Variants in MED14 observed in about 807,000 individuals in gnomAD.
The protein encoded by MED14 is mediator complex subunit 14, also known as mediator of RNA polymerase II transcription subunit 14.
MED14 carries 8 observed loss-of-function variants against 109.0 expected under a neutral mutation model. That is an observed-to-expected ratio of 0.07 (90% CI 0.04 to 0.13). MED14 has a LOEUF of 0.13. Among genes scored for constraint, MED14 ranks in the 10% least tolerant of loss-of-function variants. The pLI, the probability that MED14 is intolerant of heterozygous loss-of-function variation, is 1.00. For synonymous variants in MED14, 399 were observed against 408.7 expected (o/e 0.98, Z 0.29); for missense variants, 711 against 1,142.4 (o/e 0.62, Z 5.44).
At position 40,651,004 on chromosome X, in the gene MED14, T is replaced by C; in HGVS notation, c.*802A>G. The C allele has an allele frequency of 1.3e-6, 1 of 752,447 alleles. No homozygotes were observed. Among genetic ancestry groups the C allele is most frequent in the South Asian group, 6.7e-5 (1 of 14,822 alleles). 62.0% of individuals were successfully genotyped at this position (752,447 alleles called of 1,213,427 possible). A position where few individuals can be genotyped will look rare whatever the true frequency, so the allele number is the denominator to read the frequency against. On this transcript the variant is annotated 3_prime_UTR_variant, in exon 31 of 31. Transcript: ENST00000324817. ...GGATCCTTGATCAATACGAACCACA[T>C]ACTGTCCCTTCTCAAAGACTAAGTT...
At chrX:40,705,835 A>G (rs1411219230) in intron 10 of MED14, among the ~76,000 whole-genome samples, 1 of 111,468 alleles carries the variant, frequency 9.0e-6, no homozygotes, top group African/African-American at 3.3e-5. Flanking sequence ...AGAGTACAAC[A>G]TAAGGGAGCA....
chrX:40,714,516 G>T, intron 4 of MED14, 21 bp downstream of exon 4: 1 of 1,203,542 alleles, frequency 8.3e-7, no homozygotes, highest in East Asian at 3.0e-5. Flanking sequence ...TTAGGAACAT[G>T]GGGGCAAGCA....
At chrX:40,728,147 A>G (rs763855991) in intron 2 of MED14, among the ~76,000 whole-genome samples, 24 of 111,855 alleles carry the variant, frequency 2.1e-4, no homozygotes, top group African/African-American at 6.8e-4. Context: ...TAGAGGATGC[A>G]AGGTCTCTGC....
chrX:40,705,080 G>GA (rs1206472848), intron 10 of MED14, among the ~76,000 whole-genome samples: 1 of 111,519 alleles, frequency 9.0e-6, no homozygotes, highest in Non-Finnish European at 1.9e-5. Flanking sequence ...ACTCTGACCT[G>GA]AAAAAAACAG....
intron 5 of MED14, among the ~76,000 whole-genome samples, chrX:40,713,373 G>A (rs926982077): frequency 5.4e-5 from 6 of 112,110 alleles, no homozygotes; most frequent in Admixed American, 2.8e-4. Context: ...CTGGCAAGTC[G>A]TAGAATCAAA....
chrX:40,684,626 C>G (rs891934063), intron 16 of MED14, among the ~76,000 whole-genome samples: 8 of 112,386 alleles, frequency 7.1e-5, no homozygotes, highest in Non-Finnish European at 1.1e-4. Context: ...ACATAGCCCT[C>G]TCCGTAGGAG....
intron 28 of MED14, among the ~76,000 whole-genome samples, chrX:40,656,586 A>T (rs181723882): frequency 0.014 from 1,578 of 112,507 alleles, 16 homozygotes; most frequent in Non-Finnish European, 0.023. Flanking sequence ...GTATACTGGC[A>T]CATCCATAAA....
At position 40,671,949 on chromosome X, in the gene MED14, T is replaced by G; in HGVS notation, c.3045A>C (p.Thr1015=). 8.4e-7 allele frequency: 1 copy of G among 1,196,860 alleles called. No individual in the cohort carries two copies. Among genetic ancestry groups the G allele is most frequent in the Non-Finnish European group, 1.1e-6 (1 of 887,185 alleles). ...QQQPFPKQPG[T]SGAYPLTSPP... ...GTGAAGTAAGAGGATAAGCACCTGA[T>G]GTTCCTGGCTGCTTTGGAAATGGCT... is the stretch of plus-strand genomic sequence containing the variant. The change falls in exon 23 of 31, where the codon ACA becomes ACC. Residue 1015 remains threonine (T), a synonymous_variant. Coordinates refer to ENST00000324817, the MANE Select transcript of MED14 (RefSeq NM_004229.4).
intron 23 of MED14, among the ~76,000 whole-genome samples, chrX:40,669,528 A>C (rs1929642067): frequency 8.9e-6 from 1 of 111,855 alleles, no homozygotes; most frequent in Admixed American, 9.5e-5. Flanking sequence ...TTGACTTAGT[A>C]ATCTCTGGGG....
At position 40,648,497 on chromosome X, in the gene MED14, C is replaced by A. The variant is rs760735732; in HGVS notation, c.*3309G>T. ...TTCTTAGCAGTTTGATCTTAAGCAA[C>A]CTTAATTTGATCTCAGGCAAATTAC... On this transcript the variant is annotated 3_prime_UTR_variant, in exon 31 of 31. Transcript: ENST00000324817. The A allele has an allele frequency of 3.6e-5, 4 of 112,037 alleles. No homozygotes were observed. The highest frequency in any genetic ancestry group is 5.6e-5 in the Non-Finnish European group (3 of 53,193). 9.2% of individuals were successfully genotyped at this position (112,037 alleles called of 1,213,427 possible). A position where few individuals can be genotyped will look rare whatever the true frequency, so the allele number is the denominator to read the frequency against.
rs758360092 is a variant in MED14, at chrX:40,684,346, G to A, written c.2058-1350C>T. ...CCCCTGCAGGGCAAAACTGCCCTGG[G>A]GTTGAGAACCACTGACCTGGAATAA... is the stretch of plus-strand genomic sequence containing the variant. On this transcript the variant is annotated intron_variant, in intron 16 of 30. Transcript: ENST00000324817. 3.4e-4 allele frequency among the ~76,000 whole-genome samples: 38 copies of A among 112,038 alleles called. No individual in the cohort carries two copies. In the South Asian group the frequency reaches 0.014, roughly 41 times the overall value.
At chrX:40,688,999 C>T (rs1930396957) in intron 15 of MED14, among the ~76,000 whole-genome samples, 1 of 111,895 alleles carries the variant, frequency 8.9e-6, no homozygotes, top group African/African-American at 3.2e-5. Flanking sequence ...TATGTGAAAC[C>T]CAAGAAAAGA....
chrX:40,729,358 A>C lies in MED14; in HGVS notation c.216-13T>G. 8.4e-7 allele frequency: 1 copy of C among 1,189,052 alleles called. No individual in the cohort carries two copies. ...TTTCCTTGGCAGTCTAAGAAGAAAAAAAAAAAACGGATTAGATACATGCAT... is the reference window on the plus strand; with the variant it reads ...TTTCCTTGGCAGTCTAAGAAGAAAACAAAAAAACGGATTAGATACATGCAT... On this transcript the variant is annotated splice_polypyrimidine_tract_variant and intron_variant, in intron 1 of 30. Transcript: ENST00000324817.
At chrX:40,701,447 C>T (rs1284825457) in intron 11 of MED14, among the ~76,000 whole-genome samples, 1 of 111,702 alleles carries the variant, frequency 9.0e-6, no homozygotes, top group Non-Finnish European at 1.9e-5. Context: ...TTTTAGGGAG[C>T]ATTATAGATA....
chrX:40,666,711 T>C lies in MED14; in HGVS notation c.3265+9A>G, dbSNP rs1369336103. 2.5e-6 allele frequency: 3 copies of C among 1,208,834 alleles called. No individual in the cohort carries two copies. Among genetic ancestry groups the C allele is most frequent in the South Asian group, 1.8e-5 (1 of 56,539 alleles). On this transcript the variant is annotated intron_variant, in intron 24 of 30. Coordinates refer to ENST00000324817, the MANE Select transcript of MED14 (RefSeq NM_004229.4). The stretch of plus-strand genomic sequence containing the variant: ...CTTATGCTATATCGATTTCCATGTA[T>C]GGACTCACCATGTGGACTAGCAAAA...
At chrX:40,660,073 A>ATGTG in intron 26 of MED14, among the ~76,000 whole-genome samples, 1 of 112,084 alleles carries the variant, frequency 8.9e-6, no homozygotes, top group Middle Eastern at 4.6e-3. Context: ...TCAACTAGAT[A>ATGTG]TGTGATACAG....
intron 1 of MED14, among the ~76,000 whole-genome samples, chrX:40,730,301 A>C (rs893349231): frequency 3.6e-5 from 4 of 112,210 alleles, no homozygotes; most frequent in Non-Finnish European, 5.6e-5. Flanking sequence ...CAGAATGATA[A>C]AGGGAACTAG....
intron 26 of MED14, among the ~76,000 whole-genome samples, chrX:40,662,571 C>T (rs1359867087): frequency 5.4e-5 from 6 of 110,811 alleles, no homozygotes; most frequent in Admixed American, 2.9e-4. Flanking sequence ...CCTCCCCGCA[C>T]GGGCACTCCA....
chrX:40,725,671 G>C (rs1373292399), intron 3 of MED14, among the ~76,000 whole-genome samples: 1 of 111,449 alleles, frequency 9.0e-6, no homozygotes, highest in Non-Finnish European at 1.9e-5. Context: ...GGTATAGAAG[G>C]AACATGCCTC....
Sources: gnomAD v4.1 joint callset for allele counts (sites outside exome capture counted in the v4.1 genomes callset) on GRCh38, gnomAD v4.1.1 for gene constraint, MANE v1.5 for transcripts, NCBI Gene and HGNC (gene_info 2026-07-23, HGNC 2026-07-21) for gene names.